The following NIPAL1 variants were observed in gnomAD, a reference collection of about 807,000 sequenced individuals.
NIPAL1 encodes magnesium transporter NIPA3.
Under a neutral mutation model 37.7 loss-of-function variants are expected in NIPAL1, and 35 were observed. That is an observed-to-expected ratio of 0.93 (90% CI 0.71 to 1.23). NIPAL1 has a LOEUF of 1.23. Ranked by LOEUF, NIPAL1 falls within the 50% of genes most tolerant of loss-of-function variation. The pLI, the probability that NIPAL1 is intolerant of heterozygous loss-of-function variation, is 0.00. For synonymous variants in NIPAL1, 162 were observed against 183.0 expected, an observed-to-expected ratio of 0.89 and a Z score of 0.93; for missense variants, 412 against 473.9, an observed-to-expected ratio of 0.87 and a Z score of 1.21.
At chr4:48,029,589 TAAAAC>T (rs1396521801) in intron 2 of NIPAL1, among the ~76,000 whole-genome samples, 8 of 151,878 alleles carry the variant, frequency 5.3e-5, no homozygotes, top group Non-Finnish European at 1.0e-4. Context: ...TCAGGAAAAA[TAAAAC>T]AAAAATGAAC....
rs1195978485 is a variant in NIPAL1 at position 48,037,395 on chromosome 4, A to G, written c.*1223A>G. 2.3e-5 allele frequency: 7 copies of G among 301,076 alleles called. No individual in the cohort carries two copies. Among genetic ancestry groups the G allele is most frequent in the African/African-American group, 6.7e-5 (3 of 44,796 alleles). The allele number at this position is 301,076 out of a possible 1,614,324, so 18.7% of individuals were successfully genotyped here. A position where few individuals can be genotyped will look rare whatever the true frequency, so the allele number is the denominator to read the frequency against. ...TCATTTTTTTTCCTTTTCTTTTACTATTATCCTAAAGGTTATTTTTCTTGT... is the reference window on the plus strand; with the variant it reads ...TCATTTTTTTTCCTTTTCTTTTACTGTTATCCTAAAGGTTATTTTTCTTGT... On this transcript the variant is annotated 3_prime_UTR_variant, in exon 6 of 6. Coordinates refer to ENST00000295461, the MANE Select transcript of NIPAL1 (RefSeq NM_207330.3).
In NIPAL1 at chr4:48,035,632, A is replaced by G; in HGVS notation, c.693A>G (p.Lys231=). 1 of 1,613,652 alleles carries G rather than the reference A, an allele frequency of 6.2e-7. No individual in the cohort carries two copies. Among genetic ancestry groups the G allele is most frequent in the Non-Finnish European group, 8.5e-7 (1 of 1,179,862 alleles). Residue 231 remains lysine (K), a synonymous_variant, in exon 6 of 6, where the codon AAA becomes AAG. Transcript: ENST00000295461. ...TGATTTTGATTGTGGCTCCCAAGAA[A>G]GGACAGACCAATATATTGGTTTATA... ...LVLILIVAPK[K]GQTNILVYIS... is the part of the protein sequence containing the mutation.
In NIPAL1 at chr4:48,037,362, ACTT is replaced by A; in HGVS notation, c.*1191_*1193del. The A allele has an allele frequency of 3.1e-6, 1 of 326,636 alleles. No homozygotes were observed. Among genetic ancestry groups the A allele is most frequent in the Non-Finnish European group, 6.1e-6 (1 of 164,638 alleles). The allele number at this position is 326,636 out of a possible 1,614,324, so 20.2% of individuals were successfully genotyped here. A position where few individuals can be genotyped will look rare whatever the true frequency, so the allele number is the denominator to read the frequency against. On this transcript the variant is annotated 3_prime_UTR_variant, in exon 6 of 6. Coordinates refer to ENST00000295461, the MANE Select transcript of NIPAL1 (RefSeq NM_207330.3). ...TCCAGGTGAATTCAGCTTTGGAGTCACTTATGTTCATTTTTTTTCCTTTTCTTT... is the reference window on the plus strand; with the variant it reads ...TCCAGGTGAATTCAGCTTTGGAGTCAATGTTCATTTTTTTTCCTTTTCTTT...
Position 48,033,025 on chromosome 4 carries a change from T to G in NIPAL1, c.403T>G (p.Tyr135Asp), listed in dbSNP as rs1250670480. 1 of 1,614,074 alleles carries G rather than the reference T, an allele frequency of 6.2e-7. No individual in the cohort carries two copies. The highest frequency in any genetic ancestry group is 8.5e-7 in the Non-Finnish European group (1 of 1,179,936). ...GAGEAANFAA[Y>D]AFAPATLVTP... ...AGGAGAGGCTGCAAATTTTGCTGCTTATGCTTTTGCACCTGCCACCTTGGT... is the reference window on the plus strand; with the variant it reads ...AGGAGAGGCTGCAAATTTTGCTGCTGATGCTTTTGCACCTGCCACCTTGGT... Residue 135 changes from tyrosine to aspartate, a missense_variant, in exon 4 of 6, where the codon TAT (tyrosine) becomes GAT (aspartate). Coordinates refer to ENST00000295461, the MANE Select transcript of NIPAL1 (RefSeq NM_207330.3).
chr4:48,023,732 A>G (rs1341720277), intron 1 of NIPAL1, among the ~76,000 whole-genome samples: 2 of 152,196 alleles, frequency 1.3e-5, no homozygotes, highest in Non-Finnish European at 1.5e-5. Context: ...CAAGACATTT[A>G]TAATAGTGGA....
At position 48,034,940 on chromosome 4, in the gene NIPAL1, G is replaced by A. The variant is rs1161141897; in HGVS notation, c.521G>A (p.Cys174Tyr). ...EHLNIHGKIG[C>Y]ILSILGSTVM... ...TTGAACATTCATGGGAAAATAGGCT[G>A]CATATTAAGTATATTGGGGTCAACT... Residue 174 changes from cysteine (C) to tyrosine (Y), a missense_variant, in exon 5 of 6, where the codon TGC becomes TAC. By Grantham distance (194) the Cys-to-Tyr change is radical. Coordinates refer to ENST00000295461, the MANE Select transcript of NIPAL1 (RefSeq NM_207330.3). The A allele has an allele frequency of 1.2e-6, 2 of 1,611,840 alleles. No individual in the cohort carries two copies. Among genetic ancestry groups the A allele is most frequent in the African/African-American group, 2.7e-5 (2 of 74,854 alleles).
intron 3 of NIPAL1, among the ~76,000 whole-genome samples, chr4:48,032,145 G>A (rs924990644): frequency 1.3e-5 from 2 of 152,156 alleles, no homozygotes; most frequent in African/African-American, 2.4e-5. Flanking sequence ...TAGATTTGGG[G>A]GGATGTAGCG....
intron 1 of NIPAL1, among the ~76,000 whole-genome samples, chr4:48,021,524 CATAAT>C (rs1257526081): frequency 2.0e-5 from 3 of 152,086 alleles, no homozygotes; most frequent in African/African-American, 7.2e-5. Flanking sequence ...TATAGTTCAA[CATAAT>C]ATAAGAACAT....
At chr4:48,033,196 C>T (rs1362093866) in intron 4 of NIPAL1, 113 bp downstream of exon 4, 5 of 624,458 alleles carry the variant, frequency 8.0e-6, no homozygotes, top group Non-Finnish European at 1.1e-5. Context: ...CAAATCTAGA[C>T]CAACCTGGGC....
chr4:48,035,726 G>C lies in NIPAL1; in HGVS notation c.787G>C (p.Glu263Gln). The C allele has an allele frequency of 6.2e-7, 1 of 1,614,086 alleles. No homozygotes were observed. Among genetic ancestry groups the C allele is most frequent in the Non-Finnish European group, 8.5e-7 (1 of 1,179,974 alleles). The stretch of plus-strand genomic sequence containing the variant: ...GAAAGGCCTGGGAATTGCCATTAAG[G>C]AGCTGATAGAATGGAAGCCAGTTTA... ...SVKGLGIAIK[E>Q]LIEWKPVYKH... Residue 263 changes from glutamate (E) to glutamine (Q), a missense_variant, in exon 6 of 6, where the codon GAG becomes CAG. Coordinates refer to ENST00000295461, the MANE Select transcript of NIPAL1 (RefSeq NM_207330.3).
chr4:48,030,971 G>A (rs1715806514), intron 3 of NIPAL1, among the ~76,000 whole-genome samples: 1 of 152,164 alleles, frequency 6.6e-6, no homozygotes, highest in African/African-American at 2.4e-5. Context: ...TTAATAAATG[G>A]TGGAATCTAA....
rs1179610975 is a variant in NIPAL1, at chr4:48,033,036, AC to A, written c.416del (p.Pro139LeufsTer11). 3 of 1,613,860 alleles carry A rather than the reference AC, an allele frequency of 1.9e-6. No homozygotes were observed. The South Asian group carries it at 3.3e-5, about 18-fold the overall frequency. ...AANFAAYAFA[P>X]ATLVTPLGAL... ...CAAATTTTGCTGCTTATGCTTTTGC[AC>A]CTGCCACCTTGGTCACCCCTCTGGG... On this transcript the variant is annotated frameshift_variant, in exon 4 of 6. Coordinates refer to ENST00000295461, the MANE Select transcript of NIPAL1 (RefSeq NM_207330.3). LOFTEE classifies it high-confidence loss of function.
chr4:48,031,195 C>T (rs1277571887), intron 3 of NIPAL1, among the ~76,000 whole-genome samples: 1 of 151,532 alleles, frequency 6.6e-6, no homozygotes, highest in Admixed American at 6.6e-5. Flanking sequence ...CTCCCGAGTA[C>T]CTGGGATTAC....
chr4:48,034,730 C>A, intron 4 of NIPAL1, 151 bp from the exon 5 acceptor site: 1 of 595,176 alleles, frequency 1.7e-6, no homozygotes, highest in Non-Finnish European at 2.9e-6. Flanking sequence ...TTCTGAGTTT[C>A]AAACCAATCT....
chr4:48,026,648 A>G (rs1715693062), intron 2 of NIPAL1, among the ~76,000 whole-genome samples: 1 of 152,154 alleles, frequency 6.6e-6, no homozygotes, highest in Non-Finnish European at 1.5e-5. Flanking sequence ...GAGGAGAAAA[A>G]CATGAAAGTT....
chr4:48,032,960 T>C (rs1213475918), intron 3 of NIPAL1, 33 bp from the exon 4 acceptor site: 1 of 1,521,128 alleles, frequency 6.6e-7, no homozygotes, highest in Non-Finnish European at 9.1e-7. Flanking sequence ...AGTAAGCCCA[T>C]TTTTTATATC....
rs1351571570 is a variant in NIPAL1, at chr4:48,037,157, T to C, written c.*985T>C. 6.1e-6 allele frequency: 2 copies of C among 329,080 alleles called. No homozygotes were observed. The highest frequency in any genetic ancestry group is 2.5e-5 in the South Asian group (1 of 40,026). 20.4% of individuals were successfully genotyped at this position (329,080 alleles called of 1,614,324 possible). On this transcript the variant is annotated 3_prime_UTR_variant, in exon 6 of 6. Coordinates refer to ENST00000295461, the MANE Select transcript of NIPAL1 (RefSeq NM_207330.3). ...TGAAGAGTTTATGAATTGTAACTTA[T>C]TGACATTATCATAGGAATTTACTAC...
At chr4:48,030,059 C>A in intron 2 of NIPAL1, 61 bp from the exon 3 acceptor site, 1 of 981,304 alleles carries the variant, frequency 1.0e-6, no homozygotes, top group Non-Finnish European at 1.6e-6. Context: ...GAAGTTAATT[C>A]TTCAAACCTT....
intron 1 of NIPAL1, among the ~76,000 whole-genome samples, chr4:48,018,011 A>G (rs1321366211): frequency 6.6e-6 from 1 of 152,120 alleles, no homozygotes; most frequent in East Asian, 1.9e-4. Flanking sequence ...GAGAAGGGAC[A>G]CCAAAAAAAG....
Sources: gnomAD v4.1 joint callset for allele counts (sites outside exome capture counted in the v4.1 genomes callset) on GRCh38, gnomAD v4.1.1 for gene constraint, MANE v1.5 for transcripts, NCBI Gene and HGNC (gene_info 2026-07-23, HGNC 2026-07-21) for gene names.